Variants in CYSTM1 observed in about 807,000 individuals in gnomAD.
The protein encoded by CYSTM1 is cysteine-rich transmembrane module-containing protein 1.
CYSTM1 carries 4 observed loss-of-function variants against 13.1 expected under a neutral mutation model. The observed-to-expected ratio is 0.31, with a 90% CI of 0.15 to 0.70. The LOEUF is 0.70. Ranked by LOEUF, CYSTM1 falls within the 30% of genes least tolerant of loss-of-function variation. The pLI is 0.72. For missense variants in CYSTM1, 96 were observed against 121.6 expected (o/e 0.79, Z 0.99); for synonymous variants, 36 against 42.7 (o/e 0.84, Z 0.62).
At chr5:140,206,001 G>A (rs1451826551) in intron 2 of CYSTM1, among the ~76,000 whole-genome samples, 2 of 152,162 alleles carry the variant, frequency 1.3e-5, no homozygotes, top group African/African-American at 2.4e-5. Flanking sequence ...AATCCTTGCA[G>A]CAACTAGCAA....
intron 2 of CYSTM1, among the ~76,000 whole-genome samples, chr5:140,220,742 AGTTG>A (rs924628137): frequency 1.3e-5 from 2 of 151,992 alleles, no homozygotes; most frequent in Admixed American, 1.3e-4. Flanking sequence ...TGTGAGATAT[AGTTG>A]GAGCAGTCTA....
intron 2 of CYSTM1, among the ~76,000 whole-genome samples, chr5:140,211,353 A>G (rs1764365605): frequency 6.6e-6 from 1 of 152,234 alleles, no homozygotes; most frequent in South Asian, 2.1e-4. Context: ...TATGCTTGTC[A>G]GCAACTACCA....
chr5:140,180,087 A>G (rs1377091704), intron 1 of CYSTM1, among the ~76,000 whole-genome samples: 3 of 152,174 alleles, frequency 2.0e-5, no homozygotes, highest in Admixed American at 6.5e-5. Context: ...TTTTAACAGC[A>G]AGAGTATTAT....
chr5:140,222,810 T>C (rs1180076844), intron 2 of CYSTM1, among the ~76,000 whole-genome samples: 3 of 152,282 alleles, frequency 2.0e-5, no homozygotes, highest in Non-Finnish European at 4.4e-5. Context: ...GAACTTAGAG[T>C]CTAGTTAGGG....
intron 2 of CYSTM1, among the ~76,000 whole-genome samples, chr5:140,232,779 G>T (rs1274484825): frequency 6.6e-6 from 1 of 152,150 alleles, no homozygotes; most frequent in African/African-American, 2.4e-5. Flanking sequence ...GGAAGGCTAG[G>T]AACCTCCACT....
At chr5:140,224,497 A>G (rs1207800863) in intron 2 of CYSTM1, among the ~76,000 whole-genome samples, 1 of 152,066 alleles carries the variant, frequency 6.6e-6, no homozygotes, top group African/African-American at 2.4e-5. Context: ...ACTAGAGGTT[A>G]TTTATGCAAT....
At chr5:140,197,338 G>T (rs192879235) in intron 2 of CYSTM1, among the ~76,000 whole-genome samples, 1 of 152,100 alleles carries the variant, frequency 6.6e-6, no homozygotes, top group Non-Finnish European at 1.5e-5. Context: ...GGGTTAAAAG[G>T]CTCCTTAGTT....
Position 140,216,887 on chromosome 5 carries a change from G to GACAC in CYSTM1, c.187+22249_187+22252dup, listed in dbSNP as rs34809186. Among the ~76,000 whole-genome samples, 97 of 150,796 alleles carry GACAC rather than the reference G, an allele frequency of 6.4e-4. 1 individual carries two copies. The South Asian group carries it at 0.012, about 18-fold the overall frequency. ...AGGAAGTAGAGCCCTCTCCCTCTAT[G>GACAC]ACACACACACACACACAAAGAGCAT... is the stretch of plus-strand genomic sequence containing the variant. On this transcript the variant is annotated intron_variant, in intron 2 of 2. Coordinates refer to ENST00000261811, the MANE Select transcript of CYSTM1 (RefSeq NM_032412.4).
At chr5:140,220,938 C>A (rs1040166082) in intron 2 of CYSTM1, among the ~76,000 whole-genome samples, 1 of 152,130 alleles carries the variant, frequency 6.6e-6, no homozygotes, top group African/African-American at 2.4e-5. Flanking sequence ...ACATCCTGAG[C>A]CACCAACGTA....
At chr5:140,216,286 A>G (rs1315695317) in intron 2 of CYSTM1, among the ~76,000 whole-genome samples, 1 of 152,216 alleles carries the variant, frequency 6.6e-6, no homozygotes, top group African/African-American at 2.4e-5. Flanking sequence ...AGTTGATGTC[A>G]TGCTGGGTTT....
chr5:140,240,135 A>G (rs1764730034), intron 2 of CYSTM1, among the ~76,000 whole-genome samples: 1 of 151,846 alleles, frequency 6.6e-6, no homozygotes, highest in African/African-American at 2.4e-5. Flanking sequence ...ACTGCTACCA[A>G]CGTGCCCAGA....
At chr5:140,213,618 C>T (rs1006452651) in intron 2 of CYSTM1, among the ~76,000 whole-genome samples, 3 of 152,174 alleles carry the variant, frequency 2.0e-5, no homozygotes, top group Non-Finnish European at 4.4e-5. Flanking sequence ...ATGGTAAGTG[C>T]TCTATATATG....
At chr5:140,178,379 T>C (rs1763917272) in intron 1 of CYSTM1, among the ~76,000 whole-genome samples, 2 of 150,072 alleles carry the variant, frequency 1.3e-5, no homozygotes, top group Admixed American at 1.4e-4. Context: ...TGAGATGTGA[T>C]AAAAGTTTTT....
At chr5:140,203,106 G>A (rs1299467697) in intron 2 of CYSTM1, 1 of 152,034 alleles carries the variant, frequency 6.6e-6, no homozygotes, top group Non-Finnish European at 1.5e-5. Context: ...AGAGTAGGTG[G>A]GTTTTTTCCA....
At chr5:140,204,057 T>A (rs1581063986) in intron 2 of CYSTM1, among the ~76,000 whole-genome samples, 1 of 152,066 alleles carries the variant, frequency 6.6e-6, no homozygotes, top group Admixed American at 6.5e-5. Context: ...CCAGGGTCAG[T>A]AAGTTTTAAC....
At position 140,194,506 on chromosome 5, in the gene CYSTM1, C is replaced by G; in HGVS notation, c.41C>G (p.Pro14Arg). The G allele has an allele frequency of 6.2e-7, 1 of 1,610,374 alleles. No individual in the cohort carries two copies. Among genetic ancestry groups the G allele is most frequent in the Non-Finnish European group, 8.5e-7 (1 of 1,178,974 alleles). Residue 14 changes from proline to arginine, a missense_variant, in exon 2 of 3, where the codon CCA (proline) becomes CGA (arginine). Pro to Arg is a moderately radical substitution (Grantham distance 103). Coordinates refer to ENST00000261811, the MANE Select transcript of CYSTM1 (RefSeq NM_032412.4). ...CCTCCACCATATCCAGGCCCTGGTC[C>G]AACGGCCCCATACCCACCTTATCCA... ...ENPPPYPGPG[P>R]TAPYPPYPPQ...
At chr5:140,178,080 A>G (rs1763913430) in intron 1 of CYSTM1, among the ~76,000 whole-genome samples, 1 of 152,210 alleles carries the variant, frequency 6.6e-6, no homozygotes, top group Admixed American at 6.5e-5. Flanking sequence ...CCTAAATACA[A>G]ACTATAATAA....
At chr5:140,178,534 T>C (rs1273908227) in intron 1 of CYSTM1, among the ~76,000 whole-genome samples, 2 of 135,828 alleles carry the variant, frequency 1.5e-5, no homozygotes, top group African/African-American at 5.4e-5. Flanking sequence ...TCCTCCCACC[T>C]CAACCCTGTG....
intron 1 of CYSTM1, among the ~76,000 whole-genome samples, chr5:140,186,334 G>A (rs1764015606): frequency 6.6e-6 from 1 of 152,214 alleles, no homozygotes; most frequent in Admixed American, 6.5e-5. Context: ...TAGCAAGGCT[G>A]TTTATGAGCT....
Sources: allele counts gnomAD v4.1 joint callset (sites outside exome capture counted in the v4.1 genomes callset), GRCh38; gene constraint gnomAD v4.1.1; transcripts MANE v1.5; gene names NCBI Gene and HGNC (gene_info 2026-07-23, HGNC 2026-07-21).